MICU1: variants seen among roughly 807,000 people sequenced by gnomAD.
MICU1 encodes the protein mitochondrial calcium uptake 1.
In MICU1, 45 loss-of-function variants were observed where a neutral mutation model predicts 56.8. The observed-to-expected ratio is 0.79, with a 90% CI of 0.62 to 1.02. The LOEUF is 1.02. Among genes scored for constraint, MICU1 ranks in the 50% least tolerant of loss-of-function variants. MICU1 has a pLI of 0.00. For missense variants in MICU1, 504 were observed against 587.1 expected (o/e 0.86, Z 1.46); for synonymous variants, 186 against 195.1 (o/e 0.95, Z 0.39).
At chr10:72,376,664 T>C (rs1862533110) in intron 10 of MICU1, among the ~76,000 whole-genome samples, 1 of 152,072 alleles carries the variant, frequency 6.6e-6, no homozygotes, top group Non-Finnish European at 1.5e-5. Context: ...GTGCCTGATA[T>C]TCAATTTATA....
chr10:72,441,055 T>C (rs548818976), intron 8 of MICU1, among the ~76,000 whole-genome samples: 4 of 152,304 alleles, frequency 2.6e-5, no homozygotes, highest in South Asian at 4.1e-4. Context: ...ACTGGGTATA[T>C]ACCCAAAGGA....
At chr10:72,614,138 C>A (rs148131388) in intron 1 of MICU1, among the ~76,000 whole-genome samples, 1 of 151,812 alleles carries the variant, frequency 6.6e-6, no homozygotes, top group Non-Finnish European at 1.5e-5. Flanking sequence ...AACAAAACTC[C>A]ATCCCCAAAA....
chr10:72,401,990 C>T (rs758746812), intron 10 of MICU1, among the ~76,000 whole-genome samples: 14 of 148,622 alleles, frequency 9.4e-5, no homozygotes, highest in East Asian at 3.9e-4. Context: ...TTAAGGAATC[C>T]GCTAAAAAAA....
intron 5 of MICU1, among the ~76,000 whole-genome samples, chr10:72,530,854 GA>G (rs1215837419): frequency 1.3e-5 from 2 of 151,956 alleles, no homozygotes; most frequent in Non-Finnish European, 2.9e-5. Context: ...AACAGATCAG[GA>G]AAAAAATATT....
chr10:72,544,221 TG>T (rs1264096705), intron 4 of MICU1, among the ~76,000 whole-genome samples: 1 of 152,138 alleles, frequency 6.6e-6, no homozygotes, highest in Non-Finnish European at 1.5e-5. Flanking sequence ...CCCTTAGAGT[TG>T]TAAGCCCTTA....
intron 8 of MICU1, among the ~76,000 whole-genome samples, chr10:72,472,262 C>T (rs1436221274): frequency 2.0e-5 from 3 of 152,104 alleles, no homozygotes; most frequent in Non-Finnish European, 2.9e-5. Flanking sequence ...AAAAGGAAAA[C>T]GTCGCTAACT....
intron 8 of MICU1, among the ~76,000 whole-genome samples, chr10:72,435,883 C>T (rs955554964): frequency 2.0e-5 from 3 of 151,978 alleles, no homozygotes; most frequent in Non-Finnish European, 2.9e-5. Context: ...ACAAAGCGGT[C>T]GGGAAGCTTG....
At chr10:72,420,281 C>T (rs1864115009) in intron 9 of MICU1, among the ~76,000 whole-genome samples, 1 of 152,032 alleles carries the variant, frequency 6.6e-6, no homozygotes, top group Non-Finnish European at 1.5e-5. Flanking sequence ...GGCTGGTCTC[C>T]AACTCCCAAC....
intron 10 of MICU1, among the ~76,000 whole-genome samples, chr10:72,399,456 T>C (rs1309675452): frequency 6.6e-6 from 1 of 151,936 alleles, no homozygotes; most frequent in Non-Finnish European, 1.5e-5. Context: ...GAACTTGAAG[T>C]ATAATAAATA....
At chr10:72,523,938 C>A in intron 5 of MICU1, 2 of 1,463,142 alleles carry the variant, frequency 1.4e-6, no homozygotes, top group South Asian at 2.8e-5. Context: ...TAAAGTCTTT[C>A]TAGGTGTCCC....
intron 8 of MICU1, among the ~76,000 whole-genome samples, chr10:72,456,499 G>A (rs1156278575): frequency 6.6e-6 from 1 of 152,126 alleles, no homozygotes; most frequent in African/African-American, 2.4e-5. Flanking sequence ...CACTAAGGGA[G>A]GAACTGGAGC....
At chr10:72,520,756 C>G (rs1215295537) in intron 5 of MICU1, among the ~76,000 whole-genome samples, 1 of 151,954 alleles carries the variant, frequency 6.6e-6, no homozygotes, top group Non-Finnish European at 1.5e-5. Context: ...GATTAAAAAG[C>G]AATAATAAAA....
intron 10 of MICU1, among the ~76,000 whole-genome samples, chr10:72,378,326 G>A (rs1248537103): frequency 2.0e-5 from 3 of 152,166 alleles, no homozygotes; most frequent in Non-Finnish European, 2.9e-5. Flanking sequence ...TGGAGGAGGG[G>A]CCTGGTAGGA....
At chr10:72,457,248 T>A (rs1433277082) in intron 8 of MICU1, among the ~76,000 whole-genome samples, 1 of 150,748 alleles carries the variant, frequency 6.6e-6, no homozygotes, top group Admixed American at 6.7e-5. Flanking sequence ...AGAGAGGGAC[T>A]TACTCTGTTA....
Position 72,368,484 on chromosome 10 carries a change from T to C in MICU1, c.1271-129A>G, listed in dbSNP as rs545255585. ...TCTCCACAGCCAAACTCAATTCTCT[T>C]ATCCTAGAATTCATTAGTTTATTCC... On this transcript the variant is annotated intron_variant, in intron 11 of 11. Coordinates refer to ENST00000361114, the MANE Select transcript of MICU1 (RefSeq NM_001195518.2). 9.2e-6 allele frequency: 9 copies of C among 981,972 alleles called. No individual in the cohort carries two copies. The South Asian group carries it at 1.5e-4, about 16-fold the overall frequency. 60.8% of individuals were successfully genotyped at this position (981,972 alleles called of 1,614,324 possible).
intron 11 of MICU1, among the ~76,000 whole-genome samples, chr10:72,372,060 AAAAAAAAAAAG>A (rs2035470628): frequency 6.6e-6 from 1 of 151,596 alleles, no homozygotes; most frequent in Non-Finnish European, 1.5e-5. Context: ...TGTCTCGAAA[AAAAAAAAAAAG>A]AAAAAAATAA....
intron 6 of MICU1, among the ~76,000 whole-genome samples, chr10:72,507,867 C>G (rs1011369988): frequency 6.6e-6 from 1 of 152,158 alleles, no homozygotes; most frequent in African/African-American, 2.4e-5. Flanking sequence ...ATCTGCCCAC[C>G]TTGATCTCCC....
At chr10:72,591,455 T>C (rs549340888) in intron 1 of MICU1, among the ~76,000 whole-genome samples, 2 of 150,466 alleles carry the variant, frequency 1.3e-5, no homozygotes, top group Middle Eastern at 6.8e-3. Context: ...TTGAAAAAAA[T>C]AAAAAAAATC....
Position 72,475,296 on chromosome 10 carries a change from A to G in MICU1, c.737T>C (p.Val246Ala). Residue 246 changes from valine to alanine, a missense_variant and splice_region_variant, in exon 8 of 12, where the codon GTT becomes GCT. Transcript: ENST00000361114. ...GEVDMEEFEQ[V>A]QSIIRSQTSM... is the part of the protein sequence containing the mutation. ...GGTTTGGGAGCGAATGATGCTCTGA[A>G]CCTAATACAGAATCAAACCCACATC... 6.3e-7 allele frequency: 1 copy of G among 1,593,278 alleles called. No individual in the cohort carries two copies.
Sources: gnomAD v4.1 joint callset for allele counts (sites outside exome capture counted in the v4.1 genomes callset) on GRCh38, gnomAD v4.1.1 for gene constraint, MANE v1.5 for transcripts, NCBI Gene and HGNC (gene_info 2026-07-23, HGNC 2026-07-21) for gene names.